RBMS3: variants seen among roughly 807,000 people sequenced by gnomAD.
The protein encoded by RBMS3 is RNA-binding motif, single-stranded-interacting protein 3.
In RBMS3, 27 loss-of-function variants were observed where a neutral mutation model predicts 66.8. The ratio of observed to expected loss-of-function variants is 0.40; its 90% CI spans 0.30 to 0.56. The LOEUF (loss-of-function observed/expected upper bound fraction) is 0.56, where lower values mean the gene tolerates loss of function less well. Among genes scored for constraint, RBMS3 ranks in the 20% least tolerant of loss-of-function variants. The pLI, the probability that RBMS3 is intolerant of heterozygous loss-of-function variation, is 0.40. For missense variants in RBMS3, 513 were observed against 549.5 expected (o/e 0.93, Z 0.66); for synonymous variants, 188 against 183.0 (o/e 1.03, Z -0.22).
At chr3:29,944,444 G>A (rs1196181682) in intron 12 of RBMS3, among the ~76,000 whole-genome samples, 190 bp downstream of exon 12, 3 of 151,586 alleles carry the variant, frequency 2.0e-5, no homozygotes, top group Admixed American at 2.0e-4. Flanking sequence ...TATATATCTG[G>A]AAAATAAATG....
At chr3:29,704,623 T>C (rs1315296950) in intron 4 of RBMS3, among the ~76,000 whole-genome samples, 4 of 152,200 alleles carry the variant, frequency 2.6e-5, no homozygotes, top group Admixed American at 6.5e-5. Flanking sequence ...AGGCATCTAG[T>C]GGGCATTCAA....
At chr3:29,726,578 T>G (rs1451032677) in intron 4 of RBMS3, among the ~76,000 whole-genome samples, 4 of 151,900 alleles carry the variant, frequency 2.6e-5, no homozygotes, top group African/African-American at 9.7e-5. Context: ...CAAGCAGAGA[T>G]TCAAATCGTG....
At chr3:29,938,317 A>T (rs181744708) in intron 11 of RBMS3, among the ~76,000 whole-genome samples, 58 of 152,108 alleles carry the variant, frequency 3.8e-4, no homozygotes, top group Admixed American at 7.2e-4. Context: ...AATATATAAC[A>T]TTCTCTTTCT....
intron 2 of RBMS3, among the ~76,000 whole-genome samples, chr3:29,440,780 C>G (rs1007252287): frequency 1.3e-5 from 2 of 152,170 alleles, no homozygotes; most frequent in African/African-American, 4.8e-5. Flanking sequence ...GAGCCAGACT[C>G]AAGTGCCATC....
chr3:29,988,200 C>T lies in RBMS3; in HGVS notation c.1156C>T (p.Pro386Ser). 3 of 1,611,792 alleles carry T rather than the reference C, an allele frequency of 1.9e-6. No individual in the cohort carries two copies. The highest frequency in any genetic ancestry group is 1.3e-5 in the African/African-American group (1 of 75,000). The part of the protein sequence containing the change: ...GTYIPQYTPV[P>S]PTAVSIEGVV... ...CTACATTCCTCAGTACACGCCTGTG[C>T]CTCCGACAGCTGTTTCTATTGAAGT... Residue 386 changes from proline to serine, a missense_variant, in exon 13 of 15, where the codon CCT (proline) becomes TCT (serine). Coordinates refer to ENST00000383767, the MANE Select transcript of RBMS3 (RefSeq NM_001003793.3).
chr3:29,733,009 C>T (rs1456711829), intron 4 of RBMS3, among the ~76,000 whole-genome samples: 1 of 152,060 alleles, frequency 6.6e-6, no homozygotes, highest in Admixed American at 6.6e-5. Flanking sequence ...AACTCTTTCC[C>T]TATCTACCTT....
intron 4 of RBMS3, among the ~76,000 whole-genome samples, chr3:29,605,732 T>C (rs1318675455): frequency 6.6e-6 from 1 of 151,808 alleles, no homozygotes; most frequent in Non-Finnish European, 1.5e-5. Flanking sequence ...TTTGGGACCC[T>C]TTTTTAATAT....
chr3:29,681,088 C>A (rs984982478), intron 4 of RBMS3, among the ~76,000 whole-genome samples: 3 of 152,148 alleles, frequency 2.0e-5, no homozygotes, highest in Non-Finnish European at 2.9e-5. Context: ...GCTGTGGGGG[C>A]TGACATGTTC....
intron 1 of RBMS3, among the ~76,000 whole-genome samples, chr3:29,383,029 G>C (rs2038843183): frequency 6.6e-6 from 1 of 152,168 alleles, no homozygotes; most frequent in African/African-American, 2.4e-5. Context: ...AACTGTCAAA[G>C]AGCATGACTT....
intron 10 of RBMS3, among the ~76,000 whole-genome samples, chr3:29,934,309 GAA>G (rs5847608): frequency 2.7e-5 from 4 of 145,706 alleles, no homozygotes; most frequent in African/African-American, 1.0e-4. Flanking sequence ...CTTTTTGGTT[GAA>G]AAAAAAAAAT....
At chr3:29,459,101 G>C (rs998890719) in intron 2 of RBMS3, among the ~76,000 whole-genome samples, 2 of 152,154 alleles carry the variant, frequency 1.3e-5, no homozygotes, top group Non-Finnish European at 2.9e-5. Context: ...ATCAGAACTT[G>C]CAAGTCATTT....
At chr3:29,321,048 G>C (rs1302426281) in intron 1 of RBMS3, among the ~76,000 whole-genome samples, 2 of 151,966 alleles carry the variant, frequency 1.3e-5, no homozygotes, top group Non-Finnish European at 2.9e-5. Context: ...GCCAATGAAC[G>C]TACCAAATGA....
chr3:29,562,284 T>C (rs75147453), intron 3 of RBMS3, among the ~76,000 whole-genome samples: 2,553 of 152,264 alleles, frequency 0.017, 87 homozygotes, highest in African/African-American at 0.059. Context: ...TACTCAGTGA[T>C]AGTTAACTAT....
chr3:29,322,283 A>G (rs1314987580), intron 1 of RBMS3, among the ~76,000 whole-genome samples: 1 of 152,160 alleles, frequency 6.6e-6, no homozygotes, highest in Non-Finnish European at 1.5e-5. Flanking sequence ...TAAGGAGTTC[A>G]TAATCTAGTA....
intron 3 of RBMS3, among the ~76,000 whole-genome samples, chr3:29,521,207 G>A (rs528480449): frequency 6.6e-6 from 1 of 152,082 alleles, no homozygotes; most frequent in African/African-American, 2.4e-5. Context: ...GCTTCATGAT[G>A]GCAAAGTTGT....
chr3:29,982,718 C>A (rs1698078374), intron 12 of RBMS3, among the ~76,000 whole-genome samples: 1 of 152,160 alleles, frequency 6.6e-6, no homozygotes, highest in Admixed American at 6.5e-5. Flanking sequence ...CGTAGTTGTG[C>A]AGTTTTGAGT....
At chr3:29,481,135 G>A (rs2043116276) in intron 2 of RBMS3, among the ~76,000 whole-genome samples, 1 of 152,164 alleles carries the variant, frequency 6.6e-6, no homozygotes, top group African/African-American at 2.4e-5. Flanking sequence ...TCCCTCATGG[G>A]TTTGTTGCAA....
chr3:29,456,497 C>T (rs535241411), intron 2 of RBMS3, among the ~76,000 whole-genome samples: 81 of 152,232 alleles, frequency 5.3e-4, no homozygotes, highest in African/African-American at 1.9e-3. Context: ...CTCCGGAGAA[C>T]AATCCTCTGC....
chr3:29,915,498 A>G (rs1314397088), intron 10 of RBMS3, among the ~76,000 whole-genome samples: 2 of 151,924 alleles, frequency 1.3e-5, no homozygotes, highest in African/African-American at 4.8e-5. Context: ...TCTATTTGAC[A>G]TTTTAAAGAG....
Sources: allele counts gnomAD v4.1 joint callset (sites outside exome capture counted in the v4.1 genomes callset), GRCh38; gene constraint gnomAD v4.1.1; transcripts MANE v1.5; gene names NCBI Gene and HGNC (gene_info 2026-07-23, HGNC 2026-07-21).